Variants in SLC27A5 observed in about 807,000 individuals in gnomAD.
The protein encoded by SLC27A5 is solute carrier family 27 member 5.
SLC27A5 carries 47 observed loss-of-function variants against 63.1 expected under a neutral mutation model. The ratio of observed to expected loss-of-function variants is 0.74; its 90% CI spans 0.59 to 0.95. The LOEUF (loss-of-function observed/expected upper bound fraction) is 0.95, where lower values mean the gene tolerates loss of function less well. SLC27A5 is among the 40% of genes least tolerant of loss of function. The probability of loss-of-function intolerance (pLI) is 0.00; values close to 1 mark genes in which losing one functional copy is unlikely to be tolerated. For missense variants in SLC27A5, 940 were observed against 921.0 expected, an observed-to-expected ratio of 1.02 and a Z score of -0.27; for synonymous variants, 391 against 403.8, an observed-to-expected ratio of 0.97 and a Z score of 0.38.
intron 6 of SLC27A5, among the ~76,000 whole-genome samples, chr19:58,499,995 C>CT (rs1397079282): frequency 6.6e-6 from 1 of 152,068 alleles, no homozygotes; most frequent in Non-Finnish European, 1.5e-5. Context: ...TGACCAGGAC[C>CT]TTGCAAGGCC....
chr19:58,507,589 A>G (rs2053361648), intron 3 of SLC27A5: 1 of 152,232 alleles, frequency 6.6e-6, no homozygotes, highest in South Asian at 2.1e-4. Flanking sequence ...TTAGGGAACA[A>G]GGGAAGACAA....
intron 3 of SLC27A5, 145 bp from the exon 4 acceptor site, chr19:58,501,555 A>C: frequency 1.2e-6 from 1 of 834,530 alleles, no homozygotes; most frequent in Non-Finnish European, 1.8e-6. Context: ...CCCAGCCAGG[A>C]CTGCTCTCAC....
Position 58,498,548 on chromosome 19 carries a change from G to C in SLC27A5, c.2040C>G (p.Tyr680Ter). 1 of 1,613,878 alleles carries C rather than the reference G, an allele frequency of 6.2e-7. No individual in the cohort carries two copies. Among genetic ancestry groups the C allele is most frequent in the Non-Finnish European group, 8.5e-7 (1 of 1,179,908 alleles). ...QSFRPLTAEM[Y>*]QAVCEGTWRL ...TCCAGGTTCCCTCACACACAGCCTG[G>C]TACATTTCTGCCGTCAGGGGCCGGA... is the stretch of plus-strand genomic sequence containing the variant. Residue 680 changes from tyrosine to a stop codon, truncating the protein, a stop_gained, in exon 10 of 10, where the codon TAC becomes TAG. Coordinates refer to ENST00000263093, the MANE Select transcript of SLC27A5 (RefSeq NM_012254.3). LOFTEE classifies it high-confidence loss of function.
rs748112058 is a variant in SLC27A5, at chr19:58,510,703, G to C, written c.898+18C>G. On this transcript the variant is annotated intron_variant, in intron 2 of 9. Transcript: ENST00000263093. ...TGAGAGTTCAGAGGCTGGTGCTAGG[G>C]CTAATGGGCACCCTCACCAGTGGTC... 6.3e-7 allele frequency: 1 copy of C among 1,582,450 alleles called. No individual in the cohort carries two copies. Among genetic ancestry groups the C allele is most frequent in the African/African-American group, 1.3e-5 (1 of 74,406 alleles).
intron 3 of SLC27A5, among the ~76,000 whole-genome samples, chr19:58,502,702 G>A (rs55921027): frequency 2.2e-4 from 32 of 148,442 alleles, no homozygotes; most frequent in East Asian, 1.4e-3. Flanking sequence ...TGGATGGGTG[G>A]ACAGTTAGAG....
In SLC27A5 at chr19:58,500,392, T is replaced by C; in HGVS notation, c.1415A>G (p.Glu472Gly). 6.2e-7 allele frequency: 1 copy of C among 1,613,712 alleles called. No homozygotes were observed. The highest frequency in any genetic ancestry group is 1.3e-5 in the African/African-American group (1 of 74,976). Residue 472 changes from glutamate to glycine, a missense_variant, in exon 6 of 10, where the codon GAG becomes GGG. Coordinates refer to ENST00000263093, the MANE Select transcript of SLC27A5 (RefSeq NM_012254.3). ...ATTGTCCCTCACAGGCTCCGCCGCC[T>C]CCATGTCGAACTGCACCAGCTCAAA... ...SPFELVQFDMEAAEPVRDNQG... is the reference protein window; with the variant it reads ...SPFELVQFDMGAAEPVRDNQG...
chr19:58,510,684 T>C (rs1442502023), intron 2 of SLC27A5, 37 bp downstream of exon 2: 4 of 1,525,896 alleles, frequency 2.6e-6, no homozygotes, highest in Non-Finnish European at 3.6e-6. Flanking sequence ...AGCCTGAGAG[T>C]TCAGAGGCTG....
intron 3 of SLC27A5, among the ~76,000 whole-genome samples, chr19:58,502,524 T>C (rs1485587902): frequency 1.3e-5 from 1 of 75,336 alleles, no homozygotes; most frequent in Non-Finnish European, 3.4e-5. Context: ...AGAAGATGGA[T>C]GGGTGAACAG....
intron 4 of SLC27A5, 27 bp from the exon 5 acceptor site, chr19:58,500,733 G>C (rs777369677): frequency 1.2e-6 from 2 of 1,601,720 alleles, no homozygotes; most frequent in Non-Finnish European, 1.7e-6. Flanking sequence ...AGAAGGGTGA[G>C]GAGGAGGTGC....
intron 6 of SLC27A5, 99 bp downstream of exon 6, chr19:58,500,240 G>A: frequency 2.0e-6 from 2 of 997,896 alleles, no homozygotes; most frequent in Non-Finnish European, 3.1e-6. Flanking sequence ...CCCCTCTAGT[G>A]AGCACCAACG....
At position 58,510,808 on chromosome 19, in the gene SLC27A5, C is replaced by T; in HGVS notation, c.811G>A (p.Ala271Thr). 6.2e-7 allele frequency: 1 copy of T among 1,613,600 alleles called. No individual in the cohort carries two copies. The highest frequency in any genetic ancestry group is 8.5e-7 in the Non-Finnish European group (1 of 1,179,878). The change falls in exon 2 of 10, where the codon GCG (alanine) becomes ACG (threonine). Residue 271 changes from alanine to threonine, a missense_variant. By Grantham distance (58) the Ala-to-Thr change is moderately conservative. Transcript: ENST00000263093. ...VGALGAALDA[A>T]PSHPVPADLR... is the part of the protein sequence containing the mutation. Reference sequence around the variant, plus strand: ...TCAGCAGGCACTGGGTGGGAGGGCGCTGCATCCAGGGCAGCCCCCAGAGCC... The same window carrying T: ...TCAGCAGGCACTGGGTGGGAGGGCGTTGCATCCAGGGCAGCCCCCAGAGCC...
chr19:58,499,544 T>C lies in SLC27A5; in HGVS notation c.1615A>G (p.Met539Val). Residue 539 changes from methionine (M) to valine (V), a missense_variant, in exon 7 of 10, where the codon ATG (methionine) becomes GTG (valine). Met to Val is a conservative substitution (Grantham distance 21, BLOSUM62 1). Transcript: ENST00000263093. ...AAGTAGAGGAAGCCTTCGCGGTCCATGGCCAGTACGTCCCCGGTGTTGTAG... is the reference window on the plus strand; with the variant it reads ...AAGTAGAGGAAGCCTTCGCGGTCCACGGCCAGTACGTCCCCGGTGTTGTAG... ...VYYNTGDVLAMDREGFLYFRD... is the reference protein window; with the variant it reads ...VYYNTGDVLAVDREGFLYFRD... 2.5e-6 allele frequency: 4 copies of C among 1,612,956 alleles called. No homozygotes were observed. Among genetic ancestry groups the C allele is most frequent in the Non-Finnish European group, 3.4e-6 (4 of 1,180,002 alleles).
At chr19:58,500,850 C>G in intron 4 of SLC27A5, 144 bp from the exon 5 acceptor site, 2 of 1,446,066 alleles carry the variant, frequency 1.4e-6, no homozygotes, top group Non-Finnish European at 1.8e-6. Context: ...AGGGATCTAC[C>G]TGGGTTACTT....
intron 8 of SLC27A5, 84 bp from the exon 9 acceptor site, chr19:58,498,999 G>C: frequency 6.3e-7 from 1 of 1,589,748 alleles, no homozygotes; most frequent in Non-Finnish European, 8.6e-7. Context: ...TCTGCTCACT[G>C]GCTGTGAGAG....
At position 58,500,715 on chromosome 19, in the gene SLC27A5, A is replaced by G. The variant is rs2053265411; in HGVS notation, c.1183-9T>C. The G allele has an allele frequency of 1.9e-6, 3 of 1,610,530 alleles. No individual in the cohort carries two copies. Among genetic ancestry groups the G allele is most frequent in the Admixed American group, 1.7e-5 (1 of 59,930 alleles). On this transcript the variant is annotated splice_polypyrimidine_tract_variant and intron_variant, in intron 4 of 9. Coordinates refer to ENST00000263093, the MANE Select transcript of SLC27A5 (RefSeq NM_012254.3). ...GTCCGGTCCTCTGGTTGCTACAGGA[A>G]TGTCCCCAGAAGGGTGAGGAGGAGG... is the stretch of plus-strand genomic sequence containing the variant.
At position 58,511,395 on chromosome 19, in the gene SLC27A5, G is replaced by C; in HGVS notation, c.561C>G (p.Ala187=). Residue 187 remains alanine (A), a synonymous_variant, in exon 1 of 10, where the codon GCC becomes GCG. Coordinates refer to ENST00000263093, the MANE Select transcript of SLC27A5 (RefSeq NM_012254.3). ...TGGCCAGCCCCAGCCACATACACAGGGCTGGAACGGCCTGGGAAGCCAGCA... is the reference window on the plus strand; with the variant it reads ...TGGCCAGCCCCAGCCACATACACAGCGCTGGAACGGCCTGGGAAGCCAGCA... ...LLVLASQAVP[A]LCMWLGLAKL... is the part of the protein sequence containing the mutation. The C allele has an allele frequency of 1.2e-6, 2 of 1,608,898 alleles. No homozygotes were observed. The highest frequency in any genetic ancestry group is 2.2e-5 in the East Asian group (1 of 44,746).
intron 3 of SLC27A5, among the ~76,000 whole-genome samples, chr19:58,506,968 C>A (rs2122516152): frequency 6.6e-6 from 1 of 151,974 alleles, no homozygotes. Flanking sequence ...GTCTTGAACT[C>A]CTGACCTCAG....
At chr19:58,499,824 C>A in intron 6 of SLC27A5, 134 bp from the exon 7 acceptor site, 2 of 776,754 alleles carry the variant, frequency 2.6e-6, no homozygotes. Context: ...ACAGGGAGAT[C>A]CAGAGATGAG....
In SLC27A5 at chr19:58,500,579, C is replaced by T; in HGVS notation, c.1310G>A (p.Gly437Asp). 1 of 1,614,120 alleles carries T rather than the reference C, an allele frequency of 6.2e-7. No individual in the cohort carries two copies. The highest frequency in any genetic ancestry group is 8.5e-7 in the Non-Finnish European group (1 of 1,180,032). The change falls in exon 5 of 10, where the codon GGC (glycine) becomes GAC (aspartate). Residue 437 changes from glycine to aspartate, a missense_variant. By Grantham distance (94) the Gly-to-Asp change is moderately conservative. Transcript: ENST00000263093. The part of the protein sequence containing the change: ...RIWEVYGSTE[G>D]NMGLVNYVGR... The stretch of plus-strand genomic sequence containing the variant: ...CACATAGTTGACTAAGCCCATGTTG[C>T]CTTCTGTGGAGCCGTAGACTTCCCA...
Sources: allele counts gnomAD v4.1 joint callset (sites outside exome capture counted in the v4.1 genomes callset), GRCh38; gene constraint gnomAD v4.1.1; transcripts MANE v1.5; gene names NCBI Gene and HGNC (gene_info 2026-07-23, HGNC 2026-07-21).